The following GART variants were observed in gnomAD, a reference collection of about 807,000 sequenced individuals.
The protein encoded by GART is trifunctional purine biosynthetic protein adenosine-3.
A neutral mutation model predicts 107.2 loss-of-function variants in GART; 43 were observed. That is an observed-to-expected ratio of 0.40 (90% CI 0.31 to 0.52). GART has a LOEUF of 0.52. Ranked by LOEUF, GART falls within the 20% of genes least tolerant of loss-of-function variation. The pLI is 0.52. For missense variants in GART, 1,107 were observed against 1,206.5 expected (o/e 0.92, Z 1.22); for synonymous variants, 434 against 427.0 (o/e 1.02, Z -0.20).
intron 11 of GART, among the ~76,000 whole-genome samples, chr21:33,522,504 A>G (rs1436955536): frequency 6.6e-6 from 1 of 152,196 alleles, no homozygotes; most frequent in Non-Finnish European, 1.5e-5. Context: ...TCCCCAGTTG[A>G]CTTGATTACA....
chr21:33,525,140 A>G, intron 10 of GART, 140 bp from the exon 11 acceptor site: 12 of 1,392,176 alleles, frequency 8.6e-6, no homozygotes, highest in Non-Finnish European at 1.1e-5. Context: ...TAATTCCAGC[A>G]CTTTGGGAGG....
rs1224281605 is a variant in GART, at chr21:33,528,284, A to G, written c.949T>C (p.Leu317=). The change falls in exon 10 of 22, where the codon TTA becomes CTA. Residue 317 remains leucine (L), a synonymous_variant. Coordinates refer to ENST00000381815, the MANE Select transcript of GART (RefSeq NM_000819.5). ...SDLYEVIQST[L]DGLLCTSLPV... ...AGAGATGTGCAGAGCAGTCCATCTA[A>G]GGTGGACTGAATCACTTCATAAAGA... 1 of 1,614,038 alleles carries G rather than the reference A, an allele frequency of 6.2e-7. No homozygotes were observed. Among genetic ancestry groups the G allele is most frequent in the Non-Finnish European group, 8.5e-7 (1 of 1,180,006 alleles).
rs201892919 is a variant in GART, at chr21:33,528,132, C to T, written c.1066+35G>A. 3.6e-5 allele frequency: 57 copies of T among 1,603,188 alleles called. No homozygotes were observed. The African/African-American group carries it at 4.5e-4, about 13-fold the overall frequency. ...TCTGCTGTGGTGCTGGCACTTGTCA[C>T]GTTGTACTCCAACCTCTTGCTCCCT... On this transcript the variant is annotated intron_variant, in intron 10 of 21. Transcript: ENST00000381815.
At chr21:33,516,179 C>CA (rs758369443) in intron 16 of GART, among the ~76,000 whole-genome samples, 29 of 144,508 alleles carry the variant, frequency 2.0e-4, no homozygotes, top group Non-Finnish European at 3.9e-4. Context: ...ACCCAGGAGG[C>CA]AGAGTTTGCA....
chr21:33,535,366 C>A lies in GART; in HGVS notation c.146-46G>T, dbSNP rs199680948. 525 of 1,173,468 alleles carry A rather than the reference C, an allele frequency of 4.5e-4. 1 individual carries two copies. In the African/African-American group the frequency reaches 4.6e-3, roughly 10 times the overall value. The allele number at this position is 1,173,468 out of a possible 1,614,324, so 72.7% of individuals were successfully genotyped here. On this transcript the variant is annotated intron_variant, in intron 2 of 21. Transcript: ENST00000381815. ...AAAAAAACCACTGCATTTACAAAAA[C>A]ATTCCACTTAAGTAAACTAAGTGTC...
chr21:33,538,906 G>T (rs565185900), intron 2 of GART, among the ~76,000 whole-genome samples: 2 of 152,018 alleles, frequency 1.3e-5, no homozygotes, highest in African/African-American at 2.4e-5. Context: ...TCAGCCTCCC[G>T]AGTAGCTGGG....
chr21:33,536,832 T>G (rs1169506029), intron 2 of GART, among the ~76,000 whole-genome samples: 1 of 152,258 alleles, frequency 6.6e-6, no homozygotes, highest in Non-Finnish European at 1.5e-5. Flanking sequence ...AATTTCATCA[T>G]GCTATGCTAG....
At chr21:33,520,672 G>C (rs2145714026) in intron 13 of GART, 110 bp from the exon 14 acceptor site, 3 of 967,122 alleles carry the variant, frequency 3.1e-6, no homozygotes, top group Non-Finnish European at 3.1e-6. Context: ...ACGAAATTCT[G>C]ACAAGCTACT....
chr21:33,531,547 A>G lies in GART; in HGVS notation c.539T>C (p.Phe180Ser). The change falls in exon 6 of 22, where the codon TTT becomes TCT. Residue 180 changes from phenylalanine to serine, a missense_variant. Transcript: ENST00000381815. ...GACAATTGTTTCTCCAGCTGCCCCA[A>G]AGGCTTTCTCCTGATTGTAAGATTT... is the stretch of plus-strand genomic sequence containing the variant. ...AVQEIMQEKA[F>S]GAAGETIVIE... is the part of the protein sequence containing the mutation. 1 of 1,611,346 alleles carries G rather than the reference A, an allele frequency of 6.2e-7. No homozygotes were observed. Among genetic ancestry groups the G allele is most frequent in the Non-Finnish European group, 8.5e-7 (1 of 1,178,974 alleles).
chr21:33,524,349 G>T, intron 11 of GART: 1 of 836,542 alleles, frequency 1.2e-6, no homozygotes, highest in Non-Finnish European at 1.4e-6. Context: ...CAGGATTTCA[G>T]ACTGGCCTTG....
In GART at chr21:33,514,219, G is replaced by A. The variant is rs2084838250; in HGVS notation, c.2108-2761C>T. 2.6e-5 allele frequency among the ~76,000 whole-genome samples: 4 copies of A among 152,146 alleles called. No individual in the cohort carries two copies. In the South Asian group the frequency reaches 8.3e-4, roughly 32 times the overall value. ...GGACGTTGGGGCAATAGTGAGCTGT[G>A]ATCGCACCACGGAACTCCAGTTGGG... is the stretch of plus-strand genomic sequence containing the variant. On this transcript the variant is annotated intron_variant, in intron 16 of 21. Coordinates refer to ENST00000381815, the MANE Select transcript of GART (RefSeq NM_000819.5).
Position 33,511,470 on chromosome 21 carries a change from A to G in GART, c.2108-12T>C. On this transcript the variant is annotated splice_polypyrimidine_tract_variant and intron_variant, in intron 16 of 21. Transcript: ENST00000381815. ...CCAGGTCTGGGCATCTGAAAAAAAT[A>G]GACACGAATTGTTTGATTTTCCTAC... 6.2e-7 allele frequency: 1 copy of G among 1,613,572 alleles called. No homozygotes were observed.
intron 14 of GART, chr21:33,518,564 T>G (rs886947129): frequency 3.6e-6 from 1 of 277,270 alleles, no homozygotes; most frequent in Non-Finnish European, 7.2e-6. Context: ...CTTAAAATAT[T>G]AGAGATCTAA....
intron 10 of GART, among the ~76,000 whole-genome samples, chr21:33,526,233 C>T (rs1441701172): frequency 2.6e-5 from 4 of 151,712 alleles, no homozygotes; most frequent in African/African-American, 4.8e-5. Context: ...TGCAGTTGTG[C>T]GACCTCGGCT....
Position 33,520,505 on chromosome 21 carries a change from C to T in GART, c.1561G>A (p.Val521Ile), listed in dbSNP as rs1358115399. 7 of 1,614,066 alleles carry T rather than the reference C, an allele frequency of 4.3e-6. No homozygotes were observed. Among genetic ancestry groups the T allele is most frequent in the East Asian group, 4.5e-5 (2 of 44,892 alleles). Residue 521 changes from valine (V) to isoleucine (I), a missense_variant, in exon 14 of 22, where the codon GTT becomes ATT. By Grantham distance (29) the Val-to-Ile change is conservative (BLOSUM62 3). Transcript: ENST00000381815. Reference sequence around the variant, plus strand: ...GCTCCTTGTGCCAGAATATCATTAACACACATTGCTACCAAATCTTGACCA... The same window carrying T: ...GCTCCTTGTGCCAGAATATCATTAATACACATTGCTACCAAATCTTGACCA... ...TIGQDLVAMC[V>I]NDILAQGAEP... is the part of the protein sequence containing the mutation.
chr21:33,508,515 C>CTTT (rs764380446), intron 18 of GART, among the ~76,000 whole-genome samples: 142 of 109,806 alleles, frequency 1.3e-3, no homozygotes, highest in Middle Eastern at 5.1e-3. Flanking sequence ...TTGTTTCCAT[C>CTTT]TTTTTTTTTT....
intron 17 of GART, among the ~76,000 whole-genome samples, chr21:33,510,848 G>A (rs1353437437): frequency 3.9e-5 from 6 of 151,976 alleles, no homozygotes; most frequent in South Asian, 2.1e-4. Flanking sequence ...AGCATGTGAC[G>A]TCTTTGTTAG....
At chr21:33,513,101 G>A (rs959318249) in intron 16 of GART, among the ~76,000 whole-genome samples, 1 of 91,814 alleles carries the variant, frequency 1.1e-5, no homozygotes, top group Non-Finnish European at 2.1e-5. Flanking sequence ...GTGTGTGTGT[G>A]TCTCTGTGTG....
At chr21:33,535,755 C>T (rs1159475580) in intron 2 of GART, among the ~76,000 whole-genome samples, 5 of 152,274 alleles carry the variant, frequency 3.3e-5, no homozygotes, top group Admixed American at 2.0e-4. Flanking sequence ...CGGCGGGGCG[C>T]GGTGGCTCAC....
Sources: gnomAD v4.1 joint callset for allele counts (sites outside exome capture counted in the v4.1 genomes callset) on GRCh38, gnomAD v4.1.1 for gene constraint, MANE v1.5 for transcripts, NCBI Gene and HGNC (gene_info 2026-07-23, HGNC 2026-07-21) for gene names.